ZNF532: variants seen among roughly 807,000 people sequenced by gnomAD.
ZNF532 encodes zinc finger protein 532.
A neutral mutation model predicts 89.3 loss-of-function variants in ZNF532; 22 were observed. The observed-to-expected ratio is 0.25, with a 90% CI of 0.18 to 0.35. The LOEUF (loss-of-function observed/expected upper bound fraction) is 0.35. Ranked by LOEUF, ZNF532 falls within the 10% of genes least tolerant of loss-of-function variation. The pLI, the probability that ZNF532 is intolerant of heterozygous loss-of-function variation, is 1.00. For synonymous variants in ZNF532, 606 were observed against 649.6 expected (o/e 0.93, Z 1.02); for missense variants, 1,132 against 1,643.4 (o/e 0.69, Z 5.38).
chr18:58,934,625 C>T lies in ZNF532; in HGVS notation c.2528+11C>T, dbSNP rs767376049. Reference sequence around the variant, plus strand: ...GAGAGTTGGTTTTCGGTCAGTATATCATTCACTTATGTGCAAGTAAAACTC... The same window carrying T: ...GAGAGTTGGTTTTCGGTCAGTATATTATTCACTTATGTGCAAGTAAAACTC... On this transcript the variant is annotated intron_variant, in intron 4 of 9. Coordinates refer to ENST00000591808, the MANE Select transcript of ZNF532 (RefSeq NM_001375912.1). 2.3e-5 allele frequency: 37 copies of T among 1,609,890 alleles called. No individual in the cohort carries two copies. The South Asian group carries it at 2.8e-4, about 12-fold the overall frequency.
At chr18:58,942,099 T>C (rs2146713972) in intron 5 of ZNF532, among the ~76,000 whole-genome samples, 1 of 147,684 alleles carries the variant, frequency 6.8e-6, no homozygotes, top group Non-Finnish European at 1.5e-5. Flanking sequence ...CTCAGCTCAC[T>C]GCAAGCTCCA....
chr18:58,916,531 C>CA (rs1396980200), intron 2 of ZNF532, among the ~76,000 whole-genome samples: 2 of 152,162 alleles, frequency 1.3e-5, no homozygotes, highest in Admixed American at 6.5e-5. Flanking sequence ...AGAGTGGTCA[C>CA]AGAATGTTTT....
intron 2 of ZNF532, among the ~76,000 whole-genome samples, chr18:58,878,519 C>G (rs1568222103): frequency 2.6e-5 from 4 of 152,200 alleles, no homozygotes; most frequent in Admixed American, 2.0e-4. Context: ...GAATGAAGAC[C>G]ATATGAGCTA....
At chr18:58,951,646 G>GTTTTTTTTTTTGGTTTTT (rs760650267) in intron 6 of ZNF532, among the ~76,000 whole-genome samples, 2 of 72,602 alleles carry the variant, frequency 2.8e-5, no homozygotes, top group Non-Finnish European at 4.7e-5. Flanking sequence ...TCGCCCTGTT[G>GTTTTTTTTTTTGGTTTTT]TTTTTTTTTT....
At chr18:58,924,011 C>G (rs567908418) in intron 3 of ZNF532, among the ~76,000 whole-genome samples, 1 of 152,160 alleles carries the variant, frequency 6.6e-6, no homozygotes. Context: ...CACACATCAC[C>G]GCATCCAGCT....
chr18:58,948,749 G>A (rs1568399856), intron 6 of ZNF532, among the ~76,000 whole-genome samples: 1 of 151,752 alleles, frequency 6.6e-6, no homozygotes, highest in Non-Finnish European at 1.5e-5. Flanking sequence ...TATATTTTTA[G>A]TTTCACCATG....
Position 58,918,522 on chromosome 18 carries a change from A to G in ZNF532, c.235A>G (p.Lys79Glu), listed in dbSNP as rs760829138. Residue 79 changes from lysine to glutamate, a missense_variant, in exon 3 of 10, where the codon AAA becomes GAA. Around this residue, in one of 9 missense-constraint regions of ZNF532, gnomAD observed 302 missense variants for 319.8 expected, o/e 0.94. Coordinates refer to ENST00000591808, the MANE Select transcript of ZNF532 (RefSeq NM_001375912.1). ...CATTGACTCTTCCGAGGGCGGGGAG[A>G]AAGACGGCCACAACCCCACTGGCAA... ...RNIDSSEGGE[K>E]DGHNPTGNGL... 4.3e-6 allele frequency: 7 copies of G among 1,614,084 alleles called. No individual in the cohort carries two copies. In the South Asian group the frequency reaches 7.7e-5, roughly 18 times the overall value.
intron 7 of ZNF532, among the ~76,000 whole-genome samples, chr18:58,964,567 G>A (rs2065721488): frequency 6.9e-6 from 1 of 144,582 alleles, no homozygotes; most frequent in Non-Finnish European, 1.5e-5. Flanking sequence ...GTGTGTGTGT[G>A]TGTGTGTGTG....
chr18:58,927,829 G>GCTTCCTGGGAGGGTCACTTTCCATTTGA (rs2061650234), intron 3 of ZNF532, among the ~76,000 whole-genome samples: 1 of 152,068 alleles, frequency 6.6e-6, no homozygotes, highest in Non-Finnish European at 1.5e-5. Flanking sequence ...TTGCAATTAG[G>GCTTCCTGGGAGGGTCACTTTCCATTTGA]CTTCCTGGGA....
intron 9 of ZNF532, among the ~76,000 whole-genome samples, chr18:58,983,098 C>T (rs994674501): frequency 9.9e-5 from 15 of 152,140 alleles, no homozygotes; most frequent in South Asian, 6.2e-4. Context: ...GGCAATAGCG[C>T]GAGACTCCGT....
At chr18:58,951,145 T>C (rs974758929) in intron 6 of ZNF532, among the ~76,000 whole-genome samples, 2 of 152,118 alleles carry the variant, frequency 1.3e-5, no homozygotes, top group African/African-American at 4.8e-5. Flanking sequence ...GTATTTTTTG[T>C]AGAGACAGGG....
At chr18:58,864,329 G>A (rs1421341096), upstream of ZNF532, 1 of 151,860 alleles carries the variant, frequency 6.6e-6, no homozygotes, top group Non-Finnish European at 1.5e-5. Flanking sequence ...GGGGCTGGGT[G>A]GGGTGGGGGT....
In ZNF532 at chr18:58,939,482, G is replaced by T; in HGVS notation, c.2566G>T (p.Ala856Ser). 1 of 1,613,948 alleles carries T rather than the reference G, an allele frequency of 6.2e-7. No homozygotes were observed. The highest frequency in any genetic ancestry group is 8.5e-7 in the Non-Finnish European group (1 of 1,179,982). Residue 856 changes from alanine (A) to serine (S), a missense_variant, in exon 5 of 10, where the codon GCT becomes TCT. Ala to Ser is a moderately conservative substitution (Grantham distance 99). Coordinates refer to ENST00000591808, the MANE Select transcript of ZNF532 (RefSeq NM_001375912.1). ...HCNVVYSDVA[A>S]LKSHIQGSHC... Reference sequence around the variant, plus strand: ...CAATGTTGTGTACTCTGATGTGGCTGCTCTGAAGTCTCACATTCAAGGTTC... The same window carrying T: ...CAATGTTGTGTACTCTGATGTGGCTTCTCTGAAGTCTCACATTCAAGGTTC...
chr18:58,945,062 T>C (rs369058918), intron 5 of ZNF532, among the ~76,000 whole-genome samples: 1 of 152,238 alleles, frequency 6.6e-6, no homozygotes, highest in Non-Finnish European at 1.5e-5. Context: ...CCAGTTGTTA[T>C]GCGTGTCTTT....
chr18:58,877,345 C>G (rs2057515444), intron 2 of ZNF532, among the ~76,000 whole-genome samples: 1 of 152,140 alleles, frequency 6.6e-6, no homozygotes, highest in African/African-American at 2.4e-5. Flanking sequence ...GCCTTGGGGC[C>G]TGGACCAAAC....
intron 3 of ZNF532, among the ~76,000 whole-genome samples, chr18:58,921,784 C>T (rs1433935580): frequency 1.3e-5 from 2 of 152,082 alleles, no homozygotes; most frequent in Non-Finnish European, 2.9e-5. Flanking sequence ...CGAGTTAGAC[C>T]ATGTGACATA....
At position 58,924,373 on chromosome 18, in the gene ZNF532, T is replaced by A. The variant is rs569196382; in HGVS notation, c.2346+3740T>A. Among the ~76,000 whole-genome samples the A allele has an allele frequency of 9.2e-5, 14 of 152,328 alleles. No individual in the cohort carries two copies. In the South Asian group the frequency reaches 2.7e-3, roughly 29 times the overall value. On this transcript the variant is annotated intron_variant, in intron 3 of 9. Coordinates refer to ENST00000591808, the MANE Select transcript of ZNF532 (RefSeq NM_001375912.1). ...GATGCCCTGGGTCTGCACATTAGTG[T>A]CTAGTTAGTCTAGTCTCATCACCCG...
At chr18:58,965,893 C>T (rs1345925124) in intron 7 of ZNF532, among the ~76,000 whole-genome samples, 13 of 152,090 alleles carry the variant, frequency 8.5e-5, no homozygotes, top group African/African-American at 1.9e-4. Flanking sequence ...TGCAGTGTCT[C>T]GGAAATCTGG....
chr18:58,887,082 G>A (rs568674944), intron 2 of ZNF532, among the ~76,000 whole-genome samples: 4 of 152,196 alleles, frequency 2.6e-5, no homozygotes, highest in East Asian at 1.9e-4. Context: ...CTTTTCTGGC[G>A]GTGAAATGAA....
Sources: allele counts gnomAD v4.1 joint callset (sites outside exome capture counted in the v4.1 genomes callset), GRCh38; gene constraint gnomAD v4.1.1; regional missense constraint gnomAD v4.1.1; transcripts MANE v1.5; gene names NCBI Gene and HGNC (gene_info 2026-07-23, HGNC 2026-07-21).